The following VEPH1 variants were observed in gnomAD, a reference collection of about 807,000 sequenced individuals.
VEPH1 encodes ventricular zone-expressed PH domain-containing protein homolog 1.
VEPH1 carries 80 observed loss-of-function variants against 85.2 expected under a neutral mutation model. The ratio of observed to expected loss-of-function variants is 0.94; its 90% CI spans 0.78 to 1.13. VEPH1 has a LOEUF of 1.13. Among genes scored for constraint, VEPH1 ranks in the 50% most tolerant of loss-of-function variants. The pLI, the probability that VEPH1 is intolerant of heterozygous loss-of-function variation, is 0.00. For missense variants in VEPH1, 955 were observed against 980.5 expected (o/e 0.97, Z 0.35); for synonymous variants, 297 against 348.0 (o/e 0.85, Z 1.63).
intron 11 of VEPH1, among the ~76,000 whole-genome samples, chr3:157,292,498 C>G (rs1369675628): frequency 6.6e-6 from 1 of 151,510 alleles, no homozygotes; most frequent in African/African-American, 2.4e-5. Flanking sequence ...TGGAGACCAG[C>G]CTGGCCAGCC....
chr3:157,338,573 C>A (rs566845888), intron 9 of VEPH1, among the ~76,000 whole-genome samples: 1 of 152,290 alleles, frequency 6.6e-6, no homozygotes, highest in African/African-American at 2.4e-5. Context: ...AAATACCATG[C>A]ATGTACTCCC....
intron 12 of VEPH1, among the ~76,000 whole-genome samples, chr3:157,279,382 G>A (rs1715791557): frequency 6.6e-6 from 1 of 152,194 alleles, no homozygotes; most frequent in Non-Finnish European, 1.5e-5. Context: ...TGACTTGCAG[G>A]TTGTTAATGA....
intron 2 of VEPH1, among the ~76,000 whole-genome samples, chr3:157,473,067 CTTTTTTTTTTTTTTT>C (rs200991031): frequency 1.2e-5 from 1 of 82,674 alleles, no homozygotes. Flanking sequence ...TTAAATGAAC[CTTTTTTTTTTTTTTT>C]TTTTTTTTTT....
intron 6 of VEPH1, among the ~76,000 whole-genome samples, chr3:157,399,642 A>C (rs1403431141): frequency 6.6e-6 from 1 of 152,192 alleles, no homozygotes; most frequent in Non-Finnish European, 1.5e-5. Flanking sequence ...CATTCTTTAA[A>C]AAGTATGCCA....
At position 157,261,196 on chromosome 3, in the gene VEPH1, T is replaced by A; in HGVS notation, c.2440A>T (p.Ile814Phe). The A allele has an allele frequency of 6.2e-7, 1 of 1,613,898 alleles. No homozygotes were observed. The highest frequency in any genetic ancestry group is 8.5e-7 in the Non-Finnish European group (1 of 1,179,794). The change falls in exon 14 of 14, where the codon ATC becomes TTC. Residue 814 changes from isoleucine (I) to phenylalanine (F), a missense_variant. By Grantham distance (21) the Ile-to-Phe change is conservative. Coordinates refer to ENST00000362010, the MANE Select transcript of VEPH1 (RefSeq NM_001167912.2). ...TTGGCTTGGGCAACTGCCACGTTGA[T>A]GCACTGGAGCCATTCTTCTGCATTC... ...EKNAEEWLQC[I>F]NVAVAQAKER...
intron 9 of VEPH1, among the ~76,000 whole-genome samples, chr3:157,341,458 CAA>C (rs1229210922): frequency 3.9e-5 from 6 of 152,022 alleles, no homozygotes; most frequent in African/African-American, 1.5e-4. Context: ...AACGAAGTGA[CAA>C]GAGAAGTTTA....
chr3:157,295,938 GA>G (rs1246735722), intron 11 of VEPH1, among the ~76,000 whole-genome samples: 1 of 152,138 alleles, frequency 6.6e-6, no homozygotes, highest in Admixed American at 6.5e-5. Flanking sequence ...CTGGGCAACA[GA>G]GTGAGACTCC....
rs140016779 is a variant in VEPH1 at position 157,422,590 on chromosome 3, C to T, written c.696+5732G>A. ...ATTTCCCCAGTTGGGGACCTCTGCT[C>T]TAGGTGATCGAGTAATCCTTCAACT... On this transcript the variant is annotated intron_variant, in intron 5 of 13. Coordinates refer to ENST00000362010, the MANE Select transcript of VEPH1 (RefSeq NM_001167912.2). Among the ~76,000 whole-genome samples the T allele has an allele frequency of 2.1e-3, 318 of 152,276 alleles. 2 individuals are homozygous for T. Among genetic ancestry groups the T allele is most frequent in the African/African-American group, 7.3e-3 (302 of 41,554 alleles).
At position 157,480,394 on chromosome 3, in the gene VEPH1, G is replaced by A. The variant is rs755101834; in HGVS notation, c.139-9865C>T. On this transcript the variant is annotated intron_variant, in intron 2 of 13. Transcript: ENST00000362010. ...ACTGAGGTTTGGGGGCATAAATTAT[G>A]CTGTCACCCAGCTAGTGAGTATAGT... Among the ~76,000 whole-genome samples, 139 of 152,188 alleles carry A rather than the reference G, an allele frequency of 9.1e-4. 2 individuals are homozygous for A. Among genetic ancestry groups the A allele is most frequent in the Admixed American group, 2.0e-3 (30 of 15,264 alleles).
At chr3:157,432,236 T>C (rs1045917600) in intron 4 of VEPH1, among the ~76,000 whole-genome samples, 4 of 152,196 alleles carry the variant, frequency 2.6e-5, no homozygotes, top group Admixed American at 6.5e-5. Flanking sequence ...TGCCATTTTT[T>C]CTTATTAATT....
chr3:157,303,347 C>G (rs2108468226), intron 11 of VEPH1, among the ~76,000 whole-genome samples: 1 of 152,212 alleles, frequency 6.6e-6, no homozygotes, highest in East Asian at 1.9e-4. Flanking sequence ...TGCTTGTTTC[C>G]ATCAGGGTAG....
chr3:157,288,218 G>A (rs1425199176), intron 11 of VEPH1, among the ~76,000 whole-genome samples: 2 of 152,202 alleles, frequency 1.3e-5, no homozygotes, highest in Non-Finnish European at 2.9e-5. Context: ...TATTGGCCTT[G>A]CATGTACCCA....
In VEPH1 at chr3:157,340,021, G is replaced by A. The variant is rs561649826; in HGVS notation, c.1736-22820C>T. ...ACCAGAAAAAGATTCTTTTTCCTTC[G>A]AAAGTCAGTAAGGTCGAAATCATAT... On this transcript the variant is annotated intron_variant, in intron 9 of 13. Transcript: ENST00000362010. Among the ~76,000 whole-genome samples the A allele has an allele frequency of 5.9e-5, 9 of 152,246 alleles. No homozygotes were observed. The South Asian group carries it at 6.2e-4, about 11-fold the overall frequency.
rs535304108 is a variant in VEPH1 at position 157,485,238 on chromosome 3, C to T, written c.138+9974G>A. 7.9e-5 allele frequency among the ~76,000 whole-genome samples: 12 copies of T among 152,240 alleles called. No homozygotes were observed. In the South Asian group the frequency reaches 2.5e-3, roughly 32 times the overall value. On this transcript the variant is annotated intron_variant, in intron 2 of 13. Coordinates refer to ENST00000362010, the MANE Select transcript of VEPH1 (RefSeq NM_001167912.2). ...GAAAACATTTTAAATGGATATTTAA[C>T]TCAACATTGGTAGGAACAACAAGGT...
intron 5 of VEPH1, among the ~76,000 whole-genome samples, chr3:157,417,079 T>A (rs769628096): frequency 2.0e-5 from 3 of 152,132 alleles, no homozygotes; most frequent in Non-Finnish European, 4.4e-5. Context: ...TTTTTTTTTT[T>A]ACTCTGAATT....
At chr3:157,270,779 G>A (rs1714443757) in intron 12 of VEPH1, among the ~76,000 whole-genome samples, 1 of 152,056 alleles carries the variant, frequency 6.6e-6, no homozygotes, top group Non-Finnish European at 1.5e-5. Context: ...CTCACAGGGA[G>A]CTTTAATTTA....
chr3:157,282,502 A>G (rs1716266861), intron 12 of VEPH1, among the ~76,000 whole-genome samples: 1 of 152,246 alleles, frequency 6.6e-6, no homozygotes, highest in Admixed American at 6.5e-5. Context: ...GATCACATTC[A>G]AATTTTAAAT....
At chr3:157,373,980 C>A (rs1283581325) in intron 7 of VEPH1, among the ~76,000 whole-genome samples, 1 of 152,186 alleles carries the variant, frequency 6.6e-6, no homozygotes, top group Non-Finnish European at 1.5e-5. Context: ...AACAATGTCT[C>A]CTACCTACAT....
intron 11 of VEPH1, among the ~76,000 whole-genome samples, chr3:157,305,173 G>A (rs1278308524): frequency 7.4e-6 from 1 of 134,618 alleles, no homozygotes; most frequent in Non-Finnish European, 1.5e-5. Context: ...GCAGTGGCGG[G>A]ATCTCGGCTC....
Sources: gnomAD v4.1 joint callset for allele counts (sites outside exome capture counted in the v4.1 genomes callset) on GRCh38, gnomAD v4.1.1 for gene constraint, MANE v1.5 for transcripts, NCBI Gene and HGNC (gene_info 2026-07-23, HGNC 2026-07-21) for gene names.